Variants in JADE1 observed in about 807,000 individuals in gnomAD.
The protein encoded by JADE1 is jade family PHD finger 1, also known as protein Jade-1.
In JADE1, 14 loss-of-function variants were observed where a neutral mutation model predicts 81.8. That is an observed-to-expected ratio of 0.17 (90% CI 0.11 to 0.27). JADE1 has a LOEUF of 0.27. Ranked by LOEUF, JADE1 falls within the 10% of genes least tolerant of loss-of-function variation. JADE1 has a pLI of 1.00. For synonymous variants in JADE1, 353 were observed against 391.9 expected (o/e 0.90, Z 1.17); for missense variants, 690 against 1,047.9 (o/e 0.66, Z 4.71).
At chr4:128,850,026 G>A (rs1050503214) in intron 5 of JADE1, among the ~76,000 whole-genome samples, 3 of 152,270 alleles carry the variant, frequency 2.0e-5, no homozygotes, top group Admixed American at 2.0e-4. Context: ...GGGCTTGTTG[G>A]CTCATGTCTG....
chr4:128,847,014 T>G (rs191428391), intron 4 of JADE1, among the ~76,000 whole-genome samples: 1 of 152,298 alleles, frequency 6.6e-6, no homozygotes, highest in East Asian at 1.9e-4. Context: ...ACCTGTCAGT[T>G]AGGGTTTGTG....
At chr4:128,830,187 A>G (rs1198813140) in intron 1 of JADE1, among the ~76,000 whole-genome samples, 2 of 148,516 alleles carry the variant, frequency 1.3e-5, no homozygotes, top group Non-Finnish European at 3.0e-5. Flanking sequence ...GGTTTTCCAC[A>G]TTTTTTTCTC....
At chr4:128,866,690 CA>C (rs1175268698) in intron 9 of JADE1, among the ~76,000 whole-genome samples, 4 of 152,202 alleles carry the variant, frequency 2.6e-5, no homozygotes, top group African/African-American at 9.6e-5. Context: ...ATAAAGGTGT[CA>C]GGGGAAGAGT....
chr4:128,823,142 A>G (rs1043003462), intron 1 of JADE1, among the ~76,000 whole-genome samples: 1 of 152,198 alleles, frequency 6.6e-6, no homozygotes, highest in Non-Finnish European at 1.5e-5. Flanking sequence ...AATACATTCC[A>G]AGTACAAATG....
Position 128,843,027 on chromosome 4 carries a change from A to G in JADE1, c.127A>G (p.Lys43Glu). The change falls in exon 3 of 11, where the codon AAG becomes GAG. Residue 43 changes from lysine to glutamate, a missense_variant. This residue lies in a region of JADE1 where 59 missense variants were observed against 52.8 expected (regional missense o/e 1.12). Transcript: ENST00000226319. Reference protein sequence around the residue: ...RSSCSRHEDRKPSEVFRTDLI... With the variant: ...RSSCSRHEDREPSEVFRTDLI... ...CTCCTGCTCCAGACATGAAGATCGA[A>G]AGCCTTCAGAGGTACTTCTTGAATG... The G allele has an allele frequency of 1.2e-6, 2 of 1,613,768 alleles. No homozygotes were observed. The highest frequency in any genetic ancestry group is 1.7e-6 in the Non-Finnish European group (2 of 1,179,704).
chr4:128,833,764 A>T (rs1462545585), intron 2 of JADE1, among the ~76,000 whole-genome samples: 1 of 152,224 alleles, frequency 6.6e-6, no homozygotes, highest in Admixed American at 6.5e-5. Context: ...CCATATAAAG[A>T]TAATGCCCAA....
At position 128,855,689 on chromosome 4, in the gene JADE1, G is replaced by A; in HGVS notation, c.756G>A (p.Leu252=). 1 of 1,614,158 alleles carries A rather than the reference G, an allele frequency of 6.2e-7. No individual in the cohort carries two copies. Among genetic ancestry groups the A allele is most frequent in the Non-Finnish European group, 8.5e-7 (1 of 1,179,992 alleles). Residue 252 remains leucine, a synonymous_variant, in exon 7 of 11, where the codon CTG becomes CTA. Coordinates refer to ENST00000226319, the MANE Select transcript of JADE1 (RefSeq NM_199320.4). ...GCTGGCTGTGCCGGACATGTGCCCT[G>A]GGGGTTCAGCCAAAATGTCTGCTGT... ...EGSWLCRTCA[L]GVQPKCLLCP...
At chr4:128,836,636 G>A (rs773004153) in intron 2 of JADE1, among the ~76,000 whole-genome samples, 1 of 151,852 alleles carries the variant, frequency 6.6e-6, no homozygotes, top group Non-Finnish European at 1.5e-5. Flanking sequence ...GTTATCTTCA[G>A]TAAACCTGTA....
chr4:128,861,589 C>G, intron 8 of JADE1, 115 bp from the exon 9 acceptor site: 1 of 1,187,222 alleles, frequency 8.4e-7, no homozygotes, highest in African/African-American at 1.5e-5. Flanking sequence ...ATGGCACATG[C>G]TTGAAGCATG....
intron 8 of JADE1, among the ~76,000 whole-genome samples, chr4:128,857,747 A>G (rs1730916531): frequency 6.6e-6 from 1 of 152,194 alleles, no homozygotes; most frequent in Admixed American, 6.5e-5. Context: ...AAAGTCTAGC[A>G]TCGCAACTTC....
intron 2 of JADE1, among the ~76,000 whole-genome samples, chr4:128,834,814 CGT>C (rs942808075): frequency 2.0e-5 from 3 of 151,876 alleles, no homozygotes; most frequent in African/African-American, 7.3e-5. Context: ...GGATTACAGG[CGT>C]GAGCCACCAC....
chr4:128,813,005 C>T (rs1325625236), intron 1 of JADE1, among the ~76,000 whole-genome samples: 1 of 152,226 alleles, frequency 6.6e-6, no homozygotes, highest in African/African-American at 2.4e-5. Context: ...TTTTATAATA[C>T]CCGCCATGAA....
At chr4:128,841,676 G>A (rs529615207) in intron 2 of JADE1, among the ~76,000 whole-genome samples, 2 of 152,298 alleles carry the variant, frequency 1.3e-5, no homozygotes, top group East Asian at 3.9e-4. Flanking sequence ...GCTTGGGAGG[G>A]AGGTTAGTCT....
chr4:128,826,571 T>C (rs1184794336), intron 1 of JADE1, among the ~76,000 whole-genome samples: 1 of 151,064 alleles, frequency 6.6e-6, no homozygotes, highest in African/African-American at 2.4e-5. Context: ...GGTTTTCCCA[T>C]GTTGGCCAGG....
At chr4:128,868,092 G>C (rs145113925) in intron 10 of JADE1, 119 bp downstream of exon 10, 1 of 555,082 alleles carries the variant, frequency 1.8e-6, no homozygotes, top group Non-Finnish European at 3.2e-6. Context: ...AAGCATAGAC[G>C]TTCATATTTA....
intron 6 of JADE1, 118 bp from the exon 7 acceptor site, chr4:128,855,512 C>T (rs1293935916): frequency 1.8e-6 from 2 of 1,100,586 alleles, no homozygotes; most frequent in Non-Finnish European, 2.5e-6. Context: ...GGGAGCGTCT[C>T]TGCTTTGGTG....
chr4:128,827,961 T>C (rs1226024920), intron 1 of JADE1: 2 of 885,920 alleles, frequency 2.3e-6, no homozygotes, highest in Non-Finnish European at 2.7e-6. Flanking sequence ...TACCTCCTCT[T>C]TGTTCTTCAG....
At chr4:128,823,975 T>G (rs1727809403) in intron 1 of JADE1, among the ~76,000 whole-genome samples, 1 of 152,172 alleles carries the variant, frequency 6.6e-6, no homozygotes, top group African/African-American at 2.4e-5. Flanking sequence ...ATTTGGGTAT[T>G]TAGAACTGTA....
rs1271358558 is a variant in JADE1 at position 128,872,099 on chromosome 4, G to A, written c.2366G>A (p.Arg789Lys). ...TTAGGCCGAGTTCCAGCCAAGGAAAGGGCAAAAAGCAAATTAAAATCCGAC... is the reference window on the plus strand; with the variant it reads ...TTAGGCCGAGTTCCAGCCAAGGAAAAGGCAAAAAGCAAATTAAAATCCGAC... ...LGLGRVPAKE[R>K]AKSKLKSDNE... The change falls in exon 11 of 11, where the codon AGG becomes AAG. Residue 789 changes from arginine (R) to lysine (K), a missense_variant. Arg to Lys is a conservative substitution (Grantham distance 26). Transcript: ENST00000226319. 6.2e-7 allele frequency: 1 copy of A among 1,613,998 alleles called. No homozygotes were observed. Among genetic ancestry groups the A allele is most frequent in the African/African-American group, 1.3e-5 (1 of 74,924 alleles).
Sources: allele counts gnomAD v4.1 joint callset (sites outside exome capture counted in the v4.1 genomes callset), GRCh38; gene constraint gnomAD v4.1.1; regional missense constraint gnomAD v4.1.1; transcripts MANE v1.5; gene names NCBI Gene and HGNC (gene_info 2026-07-23, HGNC 2026-07-21).